The following TMEM218 variants were observed in gnomAD, a reference collection of about 807,000 sequenced individuals.
TMEM218 encodes transmembrane protein 218.
TMEM218 carries 8 observed loss-of-function variants against 10.0 expected under a neutral mutation model. That is an observed-to-expected ratio of 0.80 (90% CI 0.47 to 1.44). TMEM218 has a LOEUF of 1.44. Ranked by LOEUF, TMEM218 falls within the 40% of genes most tolerant of loss-of-function variation. The pLI is 0.00. For synonymous variants in TMEM218, 66 were observed against 63.5 expected, an observed-to-expected ratio of 1.04 and a Z score of -0.18; for missense variants, 110 against 140.1, an observed-to-expected ratio of 0.79 and a Z score of 1.08.
In TMEM218 at chr11:125,101,086, A is replaced by G. The variant is rs1344726724; in HGVS notation, c.213+115T>C. 4.9e-5 allele frequency: 38 copies of G among 782,286 alleles called. No homozygotes were observed. In the Admixed American group the frequency reaches 6.8e-4, roughly 14 times the overall value. 48.5% of individuals were successfully genotyped at this position (782,286 alleles called of 1,614,324 possible). A position where few individuals can be genotyped will look rare whatever the true frequency, so the allele number is the denominator to read the frequency against. On this transcript the variant is annotated intron_variant, in intron 4 of 4. Coordinates refer to ENST00000682305, the MANE Select transcript of TMEM218 (RefSeq NM_001258244.2). ...TTCCCCGTCATTGGTTGAACTTTAC[A>G]ATTCTGACATCTCAGGCAACCCGAT...
At chr11:125,104,862 G>A (rs1426570751) in intron 1 of TMEM218, 2 of 152,212 alleles carry the variant, frequency 1.3e-5, no homozygotes, top group Non-Finnish European at 2.9e-5. Context: ...GAAGAATTTA[G>A]TACACAGCAG....
chr11:125,105,406 C>T (rs1951874278), intron 1 of TMEM218, among the ~76,000 whole-genome samples: 1 of 152,118 alleles, frequency 6.6e-6, no homozygotes, highest in Non-Finnish European at 1.5e-5. Flanking sequence ...AAATGTAGTA[C>T]ACCTCTCAAG....
rs779316997 is a variant in TMEM218 at position 125,097,599 on chromosome 11, A to AG, written c.*6dup. On this transcript the variant is annotated 3_prime_UTR_variant, in exon 5 of 5. Transcript: ENST00000682305. ...AGAGAACAGGTTTTCGTTTTCCTGA[A>AG]GAGTGGTCAGTAGGAGTGCAGTGGT... 5 of 1,613,200 alleles carry AG rather than the reference A, an allele frequency of 3.1e-6. No individual in the cohort carries two copies. The African/African-American group carries it at 6.7e-5, about 22-fold the overall frequency.
intron 1 of TMEM218, chr11:125,104,806 G>A (rs1431046745): frequency 6.6e-6 from 1 of 152,214 alleles, no homozygotes; most frequent in Non-Finnish European, 1.5e-5. Context: ...CAAGGGAAGT[G>A]CCTCATACAA....
intron 3 of TMEM218, 128 bp from the exon 4 acceptor site, chr11:125,101,431 T>C: frequency 6.5e-7 from 1 of 1,528,368 alleles, no homozygotes; most frequent in Non-Finnish European, 8.8e-7. Flanking sequence ...TCCAGAGGCC[T>C]GCTGTCAACA....
In TMEM218 at chr11:125,096,570, T is replaced by G. The variant is rs1026805218; in HGVS notation, c.*1036A>C. 10 of 152,240 alleles carry G rather than the reference T, an allele frequency of 6.6e-5. No homozygotes were observed. The highest frequency in any genetic ancestry group is 2.4e-4 in the African/African-American group (10 of 41,460). The allele number at this position is 152,240 out of a possible 1,614,324, so 9.4% of individuals were successfully genotyped here. A position where few individuals can be genotyped will look rare whatever the true frequency, so the allele number is the denominator to read the frequency against. The stretch of plus-strand genomic sequence containing the variant: ...ATAAATTAAACCTCAAAGGAATTAG[T>G]GTGCTATTGGCATAGAGCACATACT... On this transcript the variant is annotated 3_prime_UTR_variant, in exon 5 of 5. Transcript: ENST00000682305.
intron 1 of TMEM218, chr11:125,104,968 T>C (rs1951770678): frequency 6.6e-6 from 1 of 152,338 alleles, no homozygotes; most frequent in African/African-American, 2.4e-5. Flanking sequence ...TCCTGGTGCC[T>C]GATACAGACC....
chr11:125,105,868 A>T (rs1044605388), intron 1 of TMEM218, among the ~76,000 whole-genome samples: 8 of 152,208 alleles, frequency 5.3e-5, no homozygotes, highest in African/African-American at 1.7e-4. Context: ...ACAAAATAAG[A>T]TTGTAAAAAT....
intron 4 of TMEM218, 97 bp from the exon 5 acceptor site, chr11:125,097,837 T>C (rs940869381): frequency 3.4e-6 from 4 of 1,191,170 alleles, no homozygotes; most frequent in Non-Finnish European, 4.7e-6. Flanking sequence ...AGTTAGTTCA[T>C]GTGTATAACT....
At chr11:125,100,473 A>G (rs1192992256) in intron 4 of TMEM218, among the ~76,000 whole-genome samples, 1 of 152,208 alleles carries the variant, frequency 6.6e-6, no homozygotes, top group East Asian at 1.9e-4. Context: ...AATGTTAGCT[A>G]TTTTCATGAC....
Position 125,096,545 on chromosome 11 carries a change from ATAAAT to A in TMEM218, c.*1056_*1060del, listed in dbSNP as rs959784722. ...AAAATGAGACCGTTGTAAAAATTAA[ATAAAT>A]TAAACCTCAAAGGAATTAGTGTGCT... On this transcript the variant is annotated 3_prime_UTR_variant, in exon 5 of 5. Transcript: ENST00000682305. 7.2e-5 allele frequency: 11 copies of A among 152,244 alleles called. No individual in the cohort carries two copies. The highest frequency in any genetic ancestry group is 1.9e-4 in the African/African-American group (8 of 41,456). 9.4% of individuals were successfully genotyped at this position (152,244 alleles called of 1,614,324 possible).
rs1949735330 is a variant in TMEM218, at chr11:125,097,033, T to G, written c.*573A>C. On this transcript the variant is annotated 3_prime_UTR_variant, in exon 5 of 5. Transcript: ENST00000682305. ...AGAGTTCGAAGTGAAAGTCAGCCCTTTAGCTATTATTTATTGCTTTATTAG... is the reference window on the plus strand; with the variant it reads ...AGAGTTCGAAGTGAAAGTCAGCCCTGTAGCTATTATTTATTGCTTTATTAG... 6.6e-6 allele frequency: 1 copy of G among 152,216 alleles called. No homozygotes were observed. The highest frequency in any genetic ancestry group is 2.4e-5 in the African/African-American group (1 of 41,466). 9.4% of individuals were successfully genotyped at this position (152,216 alleles called of 1,614,324 possible).
intron 2 of TMEM218, 27 bp from the exon 3 acceptor site, chr11:125,102,344 C>T: frequency 6.5e-7 from 1 of 1,543,966 alleles, no homozygotes; most frequent in Non-Finnish European, 8.7e-7. Flanking sequence ...CAGACAAATA[C>T]AGAAAGCCTA....
chr11:125,095,195 G>A lies in TMEM218; in HGVS notation c.*2411C>T, dbSNP rs987810218. Among the ~76,000 whole-genome samples the A allele has an allele frequency of 1.5e-4, 23 of 152,160 alleles. No homozygotes were observed. The highest frequency in any genetic ancestry group is 2.8e-4 in the Non-Finnish European group (19 of 68,034). ...ACCTATTTTCTTATATAGAAACCCA[G>A]ATTTACTCTCCCTCTCCACCTTCTA... On this transcript the variant is annotated 3_prime_UTR_variant, in exon 5 of 5. Transcript: ENST00000682305.
At chr11:125,107,214 A>C (rs1033989590) in intron 1 of TMEM218, among the ~76,000 whole-genome samples, 1 of 152,170 alleles carries the variant, frequency 6.6e-6, no homozygotes, top group Non-Finnish European at 1.5e-5. Flanking sequence ...TAGGAGGTTC[A>C]GGGAGATGCT....
In TMEM218 at chr11:125,109,079, GA is replaced by G. The variant is rs528813678; in HGVS notation, c.-153+2459del. Among the ~76,000 whole-genome samples the G allele has an allele frequency of 3.0e-4, 46 of 152,004 alleles. No individual in the cohort carries two copies. In the South Asian group the frequency reaches 9.4e-3, roughly 31 times the overall value. ...TTTGTTTACAATAGCAAAACATCAG[GA>G]AAAAACCTAAATGTCCATCAATCAG... is the stretch of plus-strand genomic sequence containing the variant. On this transcript the variant is annotated intron_variant, in intron 1 of 4. Transcript: ENST00000682305.
rs1368444790 is a variant in TMEM218, at chr11:125,096,922, C to T, written c.*684G>A. 1 of 152,100 alleles carries T rather than the reference C, an allele frequency of 6.6e-6. No individual in the cohort carries two copies. Among genetic ancestry groups the T allele is most frequent in the Non-Finnish European group, 1.5e-5 (1 of 68,004 alleles). 9.4% of individuals were successfully genotyped at this position (152,100 alleles called of 1,614,324 possible). ...AAGAAAAAAACCTACAGATACATGG[C>T]AAGACAAAAAACAAAAAACAATATT... On this transcript the variant is annotated 3_prime_UTR_variant, in exon 5 of 5. Transcript: ENST00000682305.
At chr11:125,101,566 G>T in intron 3 of TMEM218, 1 of 1,361,126 alleles carries the variant, frequency 7.3e-7, no homozygotes, top group African/African-American at 1.5e-5. Context: ...TCTGCCCAAA[G>T]TCATAATCAA....
Position 125,095,133 on chromosome 11 carries a change from C to A in TMEM218, c.*2473G>T, listed in dbSNP as rs1015094426. ...ATAGGGTGGTATCCTCCTAATTCAG[C>A]TTTTGTCAGGATACAATTTTAAGAC... On this transcript the variant is annotated 3_prime_UTR_variant, in exon 5 of 5. Transcript: ENST00000682305. Among the ~76,000 whole-genome samples, 17 of 152,314 alleles carry A rather than the reference C, an allele frequency of 1.1e-4. No individual in the cohort carries two copies. Among genetic ancestry groups the A allele is most frequent in the African/African-American group, 4.1e-4 (17 of 41,554 alleles).
Sources: allele counts gnomAD v4.1 joint callset (sites outside exome capture counted in the v4.1 genomes callset), GRCh38; gene constraint gnomAD v4.1.1; transcripts MANE v1.5; gene names NCBI Gene and HGNC (gene_info 2026-07-23, HGNC 2026-07-21).